SESTD1: variants seen among roughly 807,000 people sequenced by gnomAD.
The protein encoded by SESTD1 is SEC14 and spectrin domain containing 1.
SESTD1 carries 43 observed loss-of-function variants against 101.7 expected under a neutral mutation model. The observed-to-expected ratio is 0.42, with a 90% CI of 0.33 to 0.55. SESTD1 has a LOEUF of 0.55. SESTD1 is among the 20% of genes least tolerant of loss of function. The probability of loss-of-function intolerance (pLI) is 0.07; values close to 1 mark genes in which losing one functional copy is unlikely to be tolerated. For missense variants in SESTD1, 647 were observed against 815.1 expected (o/e 0.79, Z 2.51); for synonymous variants, 283 against 286.8 (o/e 0.99, Z 0.13).
At chr2:179,204,943 G>A (rs2046571113) in intron 1 of SESTD1, among the ~76,000 whole-genome samples, 1 of 134,290 alleles carries the variant, frequency 7.4e-6, no homozygotes. Flanking sequence ...TCACAGAAAC[G>A]GAACTGGCTT....
At chr2:179,164,032 GTGCGTGCAAGATCCAGAA>G (rs1373427059) in intron 5 of SESTD1, among the ~76,000 whole-genome samples, 1 of 152,154 alleles carries the variant, frequency 6.6e-6, no homozygotes, top group East Asian at 1.9e-4. Flanking sequence ...TGCTAAGAAT[GTGCGTGCAAGATCCAGAA>G]TGAAAATCTG....
chr2:179,166,111 A>C (rs747663651), intron 5 of SESTD1, among the ~76,000 whole-genome samples: 7 of 152,166 alleles, frequency 4.6e-5, no homozygotes, highest in African/African-American at 9.7e-5. Context: ...ATTTTTAATG[A>C]ATCACTAAGG....
chr2:179,159,225 A>C (rs2045687998), intron 5 of SESTD1, among the ~76,000 whole-genome samples: 1 of 151,396 alleles, frequency 6.6e-6, no homozygotes, highest in African/African-American at 2.4e-5. Context: ...AGTGCACTGC[A>C]AAAATACACT....
At chr2:179,239,258 A>C (rs2047114032) in intron 1 of SESTD1, among the ~76,000 whole-genome samples, 1 of 152,192 alleles carries the variant, frequency 6.6e-6, no homozygotes, top group Non-Finnish European at 1.5e-5. Context: ...CTTTGAGAGA[A>C]TAATCCTGAA....
intron 1 of SESTD1, among the ~76,000 whole-genome samples, chr2:179,247,084 T>C (rs2047243710): frequency 6.6e-6 from 1 of 152,226 alleles, no homozygotes; most frequent in Non-Finnish European, 1.5e-5. Flanking sequence ...TATTTATAAC[T>C]ACAATAGTGG....
chr2:179,215,299 A>G (rs549755291), intron 1 of SESTD1, among the ~76,000 whole-genome samples: 1 of 135,364 alleles, frequency 7.4e-6, no homozygotes, highest in African/African-American at 2.9e-5. Flanking sequence ...AAAAAATGAT[A>G]AACGGGATAT....
intron 1 of SESTD1, among the ~76,000 whole-genome samples, chr2:179,261,317 A>G (rs759320750): frequency 6.6e-6 from 1 of 152,224 alleles, no homozygotes; most frequent in Non-Finnish European, 1.5e-5. Context: ...TCAACCAGAC[A>G]TTCACAAACA....
intron 1 of SESTD1, among the ~76,000 whole-genome samples, chr2:179,239,552 T>A (rs910938575): frequency 2.0e-5 from 3 of 152,128 alleles, no homozygotes; most frequent in Non-Finnish European, 4.4e-5. Flanking sequence ...GGGGAGCTTT[T>A]AAAAAATATA....
chr2:179,162,648 T>A (rs1425473181), intron 5 of SESTD1: 2 of 152,064 alleles, frequency 1.3e-5, no homozygotes, highest in Non-Finnish European at 2.9e-5. Flanking sequence ...TCAGTAGGTA[T>A]TAAGCTCTGT....
chr2:179,125,054 C>A (rs183807696), intron 10 of SESTD1, among the ~76,000 whole-genome samples: 1 of 152,282 alleles, frequency 6.6e-6, no homozygotes, highest in Admixed American at 6.5e-5. Context: ...ACTTCCACTA[C>A]ATAGGCACCC....
At chr2:179,258,868 G>A (rs1279140802) in intron 1 of SESTD1, among the ~76,000 whole-genome samples, 1 of 152,090 alleles carries the variant, frequency 6.6e-6, no homozygotes. Context: ...ACTGGCATTG[G>A]GACACATTAA....
At chr2:179,256,711 C>A (rs1473118261) in intron 1 of SESTD1, among the ~76,000 whole-genome samples, 1 of 150,440 alleles carries the variant, frequency 6.6e-6, no homozygotes, top group Non-Finnish European at 1.5e-5. Flanking sequence ...ACTCGGGAAG[C>A]TGAGACAGGA....
chr2:179,200,342 C>G (rs571611027), intron 1 of SESTD1, among the ~76,000 whole-genome samples: 4 of 152,242 alleles, frequency 2.6e-5, no homozygotes, highest in Admixed American at 6.5e-5. Context: ...AATGGCCATA[C>G]TGCCCAAGGT....
At chr2:179,129,775 C>T (rs1179002378) in intron 10 of SESTD1, among the ~76,000 whole-genome samples, 1 of 152,148 alleles carries the variant, frequency 6.6e-6, no homozygotes, top group Non-Finnish European at 1.5e-5. Flanking sequence ...TCTTAAACAT[C>T]ATAAGCTAAA....
chr2:179,175,645 C>A (rs772720676), intron 4 of SESTD1, among the ~76,000 whole-genome samples: 49 of 152,162 alleles, frequency 3.2e-4, no homozygotes, highest in Non-Finnish European at 3.8e-4. Context: ...AATTTTACCT[C>A]TCTAGAAGCC....
Position 179,240,387 on chromosome 2 carries a change from C to T in SESTD1, c.-26+24112G>A, listed in dbSNP as rs148612248. Among the ~76,000 whole-genome samples, 4 of 152,090 alleles carry T rather than the reference C, an allele frequency of 2.6e-5. No individual in the cohort carries two copies. The South Asian group carries it at 8.3e-4, about 32-fold the overall frequency. The stretch of plus-strand genomic sequence containing the variant: ...CTCTCACTAAGTACAAATAAAAGTG[C>T]TACACATTACATATAAAACAAGCCT... On this transcript the variant is annotated intron_variant, in intron 1 of 17. Transcript: ENST00000428443.
intron 5 of SESTD1, among the ~76,000 whole-genome samples, chr2:179,166,598 G>A (rs2045839429): frequency 6.6e-6 from 1 of 152,194 alleles, no homozygotes; most frequent in Non-Finnish European, 1.5e-5. Flanking sequence ...GATTGAGGCT[G>A]AATAAGAACA....
intron 5 of SESTD1, among the ~76,000 whole-genome samples, chr2:179,159,182 G>C (rs2045687254): frequency 1.3e-5 from 2 of 152,172 alleles, no homozygotes; most frequent in African/African-American, 4.8e-5. Flanking sequence ...GTCAGGATCA[G>C]CATGTGTAAG....
intron 5 of SESTD1, among the ~76,000 whole-genome samples, chr2:179,158,655 T>A (rs1373711535): frequency 6.6e-6 from 1 of 152,210 alleles, no homozygotes; most frequent in Non-Finnish European, 1.5e-5. Flanking sequence ...TTTTTACCTA[T>A]GCAAAATAGT....
Sources: allele counts gnomAD v4.1 joint callset (sites outside exome capture counted in the v4.1 genomes callset), GRCh38; gene constraint gnomAD v4.1.1; transcripts MANE v1.5; gene names NCBI Gene and HGNC (gene_info 2026-07-23, HGNC 2026-07-21).